The following MGAT4A variants were observed in gnomAD, a reference collection of about 807,000 sequenced individuals.
The protein encoded by MGAT4A is N-acetylglucosaminyltransferase IVa.
Under a neutral mutation model 74.1 loss-of-function variants are expected in MGAT4A, and 33 were observed. The ratio of observed to expected loss-of-function variants is 0.45; its 90% CI spans 0.34 to 0.60. The LOEUF (loss-of-function observed/expected upper bound fraction) is 0.60. MGAT4A is among the 20% of genes least tolerant of loss of function. MGAT4A has a pLI of 0.02. For synonymous variants in MGAT4A, 198 were observed against 210.4 expected (o/e 0.94, Z 0.51); for missense variants, 479 against 628.3 (o/e 0.76, Z 2.54).
intron 2 of MGAT4A, among the ~76,000 whole-genome samples, chr2:98,704,957 A>G (rs1331663320): frequency 1.3e-5 from 2 of 152,146 alleles, no homozygotes; most frequent in Non-Finnish European, 2.9e-5. Flanking sequence ...GGCGCAACTG[A>G]CATTGGGAAC....
chr2:98,688,752 T>C (rs935512308), intron 2 of MGAT4A, among the ~76,000 whole-genome samples: 2 of 152,162 alleles, frequency 1.3e-5, no homozygotes, highest in Non-Finnish European at 2.9e-5. Context: ...GATAGTGTAG[T>C]CCAGCTGACA....
At chr2:98,633,792 A>C (rs1443461527) in intron 14 of MGAT4A, among the ~76,000 whole-genome samples, 1 of 152,222 alleles carries the variant, frequency 6.6e-6, no homozygotes, top group African/African-American at 2.4e-5. Flanking sequence ...AGAACATACC[A>C]TTTTCAGAAA....
intron 2 of MGAT4A, among the ~76,000 whole-genome samples, chr2:98,720,097 G>A (rs1462562785): frequency 4.6e-5 from 7 of 152,284 alleles, no homozygotes; most frequent in East Asian, 1.9e-4. Flanking sequence ...AAGAAAGAAC[G>A]AAATGGAAAT....
intron 2 of MGAT4A, among the ~76,000 whole-genome samples, chr2:98,692,706 G>A (rs1702211788): frequency 6.6e-6 from 1 of 152,076 alleles, no homozygotes; most frequent in African/African-American, 2.4e-5. Context: ...AATTGCCTAT[G>A]GAATTCAGTA....
chr2:98,726,282 G>A lies in MGAT4A; in HGVS notation c.51C>T (p.Ser17=), dbSNP rs1358515486. The A allele has an allele frequency of 1.2e-6, 2 of 1,613,992 alleles. No homozygotes were observed. The highest frequency in any genetic ancestry group is 1.3e-5 in the African/African-American group (1 of 74,936). Residue 17 remains serine, a synonymous_variant, in exon 2 of 16, where the codon TCC becomes TCT. Coordinates refer to ENST00000393487, the MANE Select transcript of MGAT4A (RefSeq NM_012214.3). The part of the protein sequence containing the change: ...TVATALAFIT[S]FLTLSWYTTW... ...TAGTATACCAAGACAAAGTAAGGAA[G>A]GAAGTGATAAATGCTAAAGCAGTGG...
At chr2:98,652,791 A>C (rs1559159958) in intron 8 of MGAT4A, among the ~76,000 whole-genome samples, 1 of 151,688 alleles carries the variant, frequency 6.6e-6, no homozygotes, top group Non-Finnish European at 1.5e-5. Flanking sequence ...AATTTTTTGT[A>C]TTTTTATTAG....
intron 4 of MGAT4A, among the ~76,000 whole-genome samples, chr2:98,670,810 G>C (rs556038810): frequency 1.3e-5 from 2 of 152,110 alleles, no homozygotes; most frequent in African/African-American, 4.8e-5. Flanking sequence ...TAGGCCCTAG[G>C]AGATCTCATC....
chr2:98,645,676 T>C, intron 8 of MGAT4A, 134 bp from the exon 9 acceptor site: 1 of 707,280 alleles, frequency 1.4e-6, no homozygotes, highest in Non-Finnish European at 2.1e-6. Context: ...AATAAAAATA[T>C]AAAGCTAGAT....
At chr2:98,635,896 G>C (rs1040946285) in intron 13 of MGAT4A, among the ~76,000 whole-genome samples, 2 of 151,458 alleles carry the variant, frequency 1.3e-5, no homozygotes, top group Non-Finnish European at 2.9e-5. Context: ...GCTGAGGCAG[G>C]AGAATCACTT....
At chr2:98,666,692 C>CAAA (rs1184837604) in intron 4 of MGAT4A, among the ~76,000 whole-genome samples, 1 of 132,792 alleles carries the variant, frequency 7.5e-6, no homozygotes. Context: ...GACCCTGTCT[C>CAAA]AAAAAAAAAA....
chr2:98,679,772 G>A (rs553635768), intron 2 of MGAT4A, among the ~76,000 whole-genome samples: 13 of 152,138 alleles, frequency 8.5e-5, no homozygotes, highest in Non-Finnish European at 1.3e-4. Context: ...GAGGATAAAC[G>A]TAGGCATTGA....
chr2:98,670,524 A>T (rs1701897828), intron 4 of MGAT4A, among the ~76,000 whole-genome samples: 1 of 152,212 alleles, frequency 6.6e-6, no homozygotes, highest in African/African-American at 2.4e-5. Flanking sequence ...ATTAGGAAAA[A>T]TCTTGGCATT....
rs1352864111 is a variant in MGAT4A, at chr2:98,700,748, AGCCG to A, written c.95-22281_95-22278del. Among the ~76,000 whole-genome samples, 5 of 152,118 alleles carry A rather than the reference AGCCG, an allele frequency of 3.3e-5. No homozygotes were observed. The East Asian group carries it at 9.7e-4, about 30-fold the overall frequency. On this transcript the variant is annotated intron_variant, in intron 2 of 15. Transcript: ENST00000393487. ...TCTACTAAAAGTACAAAAATTAGCCAGCCGTGGTGGCGGGCACCTGTAATCCCAG... is the reference window on the plus strand; with the variant it reads ...TCTACTAAAAGTACAAAAATTAGCCATGGTGGCGGGCACCTGTAATCCCAG...
At chr2:98,642,181 A>G (rs918018402) in intron 10 of MGAT4A, among the ~76,000 whole-genome samples, 2 of 152,096 alleles carry the variant, frequency 1.3e-5, no homozygotes, top group African/African-American at 4.8e-5. Flanking sequence ...AGGAAGAGTC[A>G]AAGGGAAGGG....
intron 4 of MGAT4A, among the ~76,000 whole-genome samples, chr2:98,667,558 T>C (rs1366347147): frequency 1.3e-5 from 2 of 152,218 alleles, no homozygotes; most frequent in African/African-American, 4.8e-5. Context: ...GCAAAGAGAC[T>C]GGCAGCATTT....
intron 3 of MGAT4A, among the ~76,000 whole-genome samples, chr2:98,677,556 G>A (rs1559166525): frequency 1.3e-5 from 2 of 152,064 alleles, no homozygotes; most frequent in Non-Finnish European, 2.9e-5. Context: ...GAGTTCAAGC[G>A]ATTCTCCTGC....
intron 12 of MGAT4A, among the ~76,000 whole-genome samples, chr2:98,637,865 A>T (rs1002828810): frequency 1.3e-5 from 2 of 152,202 alleles, no homozygotes; most frequent in African/African-American, 2.4e-5. Context: ...CAAAATGCTC[A>T]GCCAGTCACA....
intron 14 of MGAT4A, among the ~76,000 whole-genome samples, chr2:98,629,526 G>C (rs1701196488): frequency 6.6e-6 from 1 of 152,112 alleles, no homozygotes; most frequent in South Asian, 2.1e-4. Context: ...ACTGTCACCT[G>C]ATGAGCTCAT....
intron 2 of MGAT4A, among the ~76,000 whole-genome samples, chr2:98,699,972 C>A (rs1243571410): frequency 6.6e-6 from 1 of 152,154 alleles, no homozygotes; most frequent in Non-Finnish European, 1.5e-5. Context: ...GGATACGTGA[C>A]CCGTCCTTGC....
Sources: gnomAD v4.1 joint callset for allele counts (sites outside exome capture counted in the v4.1 genomes callset) on GRCh38, gnomAD v4.1.1 for gene constraint, MANE v1.5 for transcripts, NCBI Gene and HGNC (gene_info 2026-07-23, HGNC 2026-07-21) for gene names.